GOLM2: variants seen among roughly 807,000 people sequenced by gnomAD.
GOLM2 encodes the protein golgi membrane protein 2, also known as protein GOLM2.
A neutral mutation model predicts 55.9 loss-of-function variants in GOLM2; 26 were observed. The observed-to-expected ratio is 0.47, with a 90% CI of 0.34 to 0.65. The LOEUF (loss-of-function observed/expected upper bound fraction) is 0.65, where lower values mean the gene tolerates loss of function less well. Ranked by LOEUF, GOLM2 falls within the 30% of genes least tolerant of loss-of-function variation. The pLI is 0.01. For missense variants in GOLM2, 486 were observed against 531.8 expected (o/e 0.91, Z 0.85); for synonymous variants, 165 against 194.6 (o/e 0.85, Z 1.27).
intron 1 of GOLM2, among the ~76,000 whole-genome samples, chr15:44,314,286 C>T (rs1286195860): frequency 1.3e-5 from 2 of 150,640 alleles, no homozygotes; most frequent in African/African-American, 2.4e-5. Flanking sequence ...AGGCCGGGTG[C>T]GGTGGCTCAC....
chr15:44,359,442 G>C (rs2079221314), intron 6 of GOLM2, among the ~76,000 whole-genome samples: 1 of 151,780 alleles, frequency 6.6e-6, no homozygotes, highest in African/African-American at 2.4e-5. Context: ...AAAAAAATTA[G>C]CCAGGCATGG....
intron 1 of GOLM2, among the ~76,000 whole-genome samples, chr15:44,298,849 C>G (rs1344502506): frequency 1.3e-5 from 2 of 152,024 alleles, no homozygotes; most frequent in Non-Finnish European, 2.9e-5. Flanking sequence ...GGAATAGGGT[C>G]TTTGCAGATG....
chr15:44,383,017 C>T (rs1054503072), intron 8 of GOLM2, among the ~76,000 whole-genome samples: 8 of 150,844 alleles, frequency 5.3e-5, no homozygotes, highest in Admixed American at 5.3e-4. Context: ...GAGTTGAAAT[C>T]AATGCATGCA....
chr15:44,289,884 C>T lies in GOLM2; in HGVS notation c.327+528C>T, dbSNP rs140513547. ...TGAATAACTAAATAATCAGCTATGACTGCCTTTTTGTGATCAAAATGTTAT... is the reference window on the plus strand; with the variant it reads ...TGAATAACTAAATAATCAGCTATGATTGCCTTTTTGTGATCAAAATGTTAT... On this transcript the variant is annotated intron_variant, in intron 1 of 9. Transcript: ENST00000299957. The surrounding 1 kb of genome is among the most constrained non-coding windows in gnomAD (Gnocchi z 4.8). Among the ~76,000 whole-genome samples the T allele has an allele frequency of 6.6e-6, 1 of 152,304 alleles. No individual in the cohort carries two copies. The highest frequency in any genetic ancestry group is 2.4e-5 in the African/African-American group (1 of 41,570).
At chr15:44,334,901 G>T (rs1422406109) in intron 4 of GOLM2, among the ~76,000 whole-genome samples, 4 of 152,146 alleles carry the variant, frequency 2.6e-5, no homozygotes, top group Non-Finnish European at 5.9e-5. Context: ...CATGGTGGCT[G>T]GCACCTGTAA....
chr15:44,314,278 G>C (rs1421781085), intron 1 of GOLM2, among the ~76,000 whole-genome samples: 1 of 151,500 alleles, frequency 6.6e-6, no homozygotes, highest in African/African-American at 2.4e-5. Context: ...AACTGGGTAG[G>C]CCGGGTGCGG....
intron 8 of GOLM2, chr15:44,390,523 G>C (rs574855747): frequency 6.6e-6 from 1 of 152,138 alleles, no homozygotes; most frequent in South Asian, 2.1e-4. Flanking sequence ...GGAGAGGCAA[G>C]CTAGTGTATC....
At chr15:44,316,771 A>C (rs1345643534) in intron 1 of GOLM2, among the ~76,000 whole-genome samples, 2 of 151,844 alleles carry the variant, frequency 1.3e-5, no homozygotes, top group Non-Finnish European at 2.9e-5. Flanking sequence ...AAAAAAAACA[A>C]AAAAGAGCTA....
At chr15:44,407,673 T>C (rs897663402) in intron 9 of GOLM2, among the ~76,000 whole-genome samples, 14 of 152,114 alleles carry the variant, frequency 9.2e-5, no homozygotes, top group Admixed American at 1.3e-4. Flanking sequence ...GGTTTCAAAC[T>C]CCTGAGCTCA....
In GOLM2 at chr15:44,289,550, G is replaced by T. The variant is rs1479554497; in HGVS notation, c.327+194G>T. ...GTGCCACGTTCTCTGGTCCCTGCCA[G>T]AAAAAAATGACTGTAAATTCTGGTT... On this transcript the variant is annotated intron_variant, in intron 1 of 9. Transcript: ENST00000299957. This position sits in a 1 kb window ranked among gnomAD's most constrained non-coding sequence, Gnocchi z 4.8. Among the ~76,000 whole-genome samples the T allele has an allele frequency of 1.3e-5, 2 of 152,156 alleles. No individual in the cohort carries two copies. Among genetic ancestry groups the T allele is most frequent in the Non-Finnish European group, 2.9e-5 (2 of 68,026 alleles).
At chr15:44,291,086 AGCCACCAT>A (rs1354913921) in intron 1 of GOLM2, among the ~76,000 whole-genome samples, 1 of 147,278 alleles carries the variant, frequency 6.8e-6, no homozygotes, top group Non-Finnish European at 1.5e-5. Context: ...TACAGGTGTG[AGCCACCAT>A]GCCCAGCCTC....
At chr15:44,400,061 C>T (rs2079554548) in intron 8 of GOLM2, among the ~76,000 whole-genome samples, 1 of 151,186 alleles carries the variant, frequency 6.6e-6, no homozygotes, top group Admixed American at 6.6e-5. Flanking sequence ...TTTTATTATT[C>T]AAAAAGAAAG....
intron 6 of GOLM2, among the ~76,000 whole-genome samples, chr15:44,360,645 G>C (rs368693674): frequency 3.2e-4 from 48 of 152,150 alleles, no homozygotes; most frequent in Middle Eastern, 3.4e-3. Flanking sequence ...ACAGATCAAC[G>C]AGACAGAAAG....
At chr15:44,307,494 G>C (rs1189794271) in intron 1 of GOLM2, 1 of 152,214 alleles carries the variant, frequency 6.6e-6, no homozygotes, top group Admixed American at 6.5e-5. Flanking sequence ...TTACAGGCGT[G>C]AGCCACCGTG....
intron 6 of GOLM2, among the ~76,000 whole-genome samples, chr15:44,378,835 TCCC>T (rs753605962): frequency 4.6e-5 from 7 of 150,858 alleles, no homozygotes; most frequent in Non-Finnish European, 8.9e-5. Flanking sequence ...AACTTCCGCC[TCCC>T]AGATTCAAGT....
At chr15:44,309,618 T>C (rs1374464980) in intron 1 of GOLM2, among the ~76,000 whole-genome samples, 1 of 152,168 alleles carries the variant, frequency 6.6e-6, no homozygotes, top group African/African-American at 2.4e-5. Flanking sequence ...TTTGTAGAAA[T>C]AGTAAAGAAG....
At chr15:44,388,468 G>C (rs1377990598) in intron 8 of GOLM2, among the ~76,000 whole-genome samples, 1 of 152,112 alleles carries the variant, frequency 6.6e-6, no homozygotes, top group Non-Finnish European at 1.5e-5. Context: ...GAGCCCAGGA[G>C]TTCAAGACCA....
intron 1 of GOLM2, among the ~76,000 whole-genome samples, chr15:44,321,383 A>T (rs2078947661): frequency 6.9e-6 from 1 of 145,672 alleles, no homozygotes; most frequent in Non-Finnish European, 1.5e-5. Flanking sequence ...AGGTGGAAGG[A>T]TCGCTTGAGC....
At chr15:44,374,347 T>C (rs1417178015) in intron 6 of GOLM2, among the ~76,000 whole-genome samples, 1 of 152,056 alleles carries the variant, frequency 6.6e-6, no homozygotes, top group Non-Finnish European at 1.5e-5. Flanking sequence ...GATCTTGCAT[T>C]GCTATAAAGA....
Sources: allele counts gnomAD v4.1 joint callset (sites outside exome capture counted in the v4.1 genomes callset), GRCh38; gene constraint gnomAD v4.1.1; non-coding constraint Gnocchi (gnomAD v3.1); transcripts MANE v1.5; gene names NCBI Gene and HGNC (gene_info 2026-07-23, HGNC 2026-07-21).